SYN3: variants seen among roughly 807,000 people sequenced by gnomAD.
SYN3 encodes synapsin III, also known as synapsin-3.
In SYN3, 35 loss-of-function variants were observed where a neutral mutation model predicts 65.8. The ratio of observed to expected loss-of-function variants is 0.53; its 90% CI spans 0.41 to 0.70. The LOEUF is 0.70. Ranked by LOEUF, SYN3 falls within the 30% of genes least tolerant of loss-of-function variation. The pLI is 0.00. For missense variants in SYN3, 680 were observed against 749.0 expected, an observed-to-expected ratio of 0.91 and a Z score of 1.08; for synonymous variants, 270 against 292.9, an observed-to-expected ratio of 0.92 and a Z score of 0.80.
At chr22:33,019,064 C>G (rs1290812777) in intron 1 of SYN3, among the ~76,000 whole-genome samples, 1 of 152,206 alleles carries the variant, frequency 6.6e-6, no homozygotes, top group African/African-American at 2.4e-5. Flanking sequence ...GTCATTCAGT[C>G]AACTTTCCAC....
At chr22:32,989,616 C>T (rs1355373726) in intron 2 of SYN3, among the ~76,000 whole-genome samples, 1 of 151,978 alleles carries the variant, frequency 6.6e-6, no homozygotes, top group African/African-American at 2.4e-5. Flanking sequence ...GGGTGGATCA[C>T]CTGAGGTCAG....
intron 6 of SYN3, among the ~76,000 whole-genome samples, chr22:32,598,435 G>C (rs908603231): frequency 1.3e-5 from 2 of 152,218 alleles, no homozygotes; most frequent in African/African-American, 4.8e-5. Flanking sequence ...CTCCCAGCTT[G>C]AGTTGAACAG....
intron 1 of SYN3, among the ~76,000 whole-genome samples, chr22:33,011,005 A>G (rs1407607601): frequency 6.6e-6 from 1 of 152,152 alleles, no homozygotes; most frequent in Non-Finnish European, 1.5e-5. Flanking sequence ...GATACTTTCT[A>G]TTTAAATAAT....
chr22:32,757,340 C>G (rs1177291500), intron 6 of SYN3, among the ~76,000 whole-genome samples: 1 of 141,266 alleles, frequency 7.1e-6, no homozygotes, highest in Non-Finnish European at 1.5e-5. Flanking sequence ...TCTTCTTGCC[C>G]AGGCTGGAGT....
intron 1 of SYN3, among the ~76,000 whole-genome samples, chr22:33,044,204 G>A (rs915741112): frequency 1.3e-5 from 2 of 152,178 alleles, no homozygotes; most frequent in Non-Finnish European, 2.9e-5. Flanking sequence ...GAGCTTCAAC[G>A]CAGGCCCAAA....
chr22:32,698,093 G>A lies in SYN3; in HGVS notation c.712-101357C>T, dbSNP rs77740628. Among the ~76,000 whole-genome samples the A allele has an allele frequency of 2.0e-3, 297 of 152,278 alleles. 2 individuals carry two copies. The highest frequency in any genetic ancestry group is 6.9e-3 in the African/African-American group (287 of 41,550). ...GAGCAATAAACACTTATTGTTTGTT[G>A]TATGTAGAGGTTTGGGGGTTGTTGG... On this transcript the variant is annotated intron_variant, in intron 6 of 13. Coordinates refer to ENST00000358763, the MANE Select transcript of SYN3 (RefSeq NM_003490.4).
chr22:32,565,626 C>T (rs2058662132), intron 7 of SYN3, among the ~76,000 whole-genome samples: 1 of 150,974 alleles, frequency 6.6e-6, no homozygotes, highest in East Asian at 1.9e-4. Context: ...AAGCAATCCT[C>T]CTGCTACAGC....
chr22:32,744,761 C>T (rs535030497), intron 6 of SYN3, among the ~76,000 whole-genome samples: 3 of 152,258 alleles, frequency 2.0e-5, no homozygotes, highest in African/African-American at 7.2e-5. Flanking sequence ...ACACCACCAC[C>T]ACCACCACCA....
chr22:32,880,760 G>C (rs1164420958), intron 4 of SYN3, among the ~76,000 whole-genome samples: 1 of 152,198 alleles, frequency 6.6e-6, no homozygotes, highest in Non-Finnish European at 1.5e-5. Flanking sequence ...TAGTTAATAT[G>C]TTCCTAAGAA....
intron 6 of SYN3, among the ~76,000 whole-genome samples, chr22:32,828,751 C>G (rs940310499): frequency 9.9e-5 from 15 of 152,202 alleles, no homozygotes; most frequent in African/African-American, 3.1e-4. Flanking sequence ...AGACTGAGCT[C>G]TTTCCTTCCC....
intron 6 of SYN3, among the ~76,000 whole-genome samples, chr22:32,611,561 C>T (rs549580401): frequency 5.3e-5 from 8 of 151,960 alleles, no homozygotes; most frequent in South Asian, 2.1e-4. Flanking sequence ...CAAAGTGCTG[C>T]GATTACAGGC....
At chr22:32,618,554 C>T (rs2059551987) in intron 6 of SYN3, among the ~76,000 whole-genome samples, 1 of 152,162 alleles carries the variant, frequency 6.6e-6, no homozygotes. Context: ...TGAGCAAGGG[C>T]AATGTTCATT....
At chr22:32,880,344 G>T in intron 4 of SYN3, among the ~76,000 whole-genome samples, 1 of 152,204 alleles carries the variant, frequency 6.6e-6, no homozygotes, top group East Asian at 1.9e-4. Flanking sequence ...GGAAAACTGT[G>T]AGGGGTGACG....
rs560722728 is a variant in SYN3 at position 32,581,851 on chromosome 22, C to T, written c.774+14823G>A. On this transcript the variant is annotated intron_variant, in intron 7 of 13. Coordinates refer to ENST00000358763, the MANE Select transcript of SYN3 (RefSeq NM_003490.4). ...TCACTCTGTGGCCCAGGTTGGAGTG[C>T]GGTGGTGTGATGACAGCTCACTGCA... 3.2e-5 allele frequency among the ~76,000 whole-genome samples: 4 copies of T among 125,140 alleles called. No individual in the cohort carries two copies. In the East Asian group the frequency reaches 7.1e-4, roughly 22 times the overall value. 82.1% of individuals were successfully genotyped at this position (125,140 alleles called of 152,430 possible). A position where few individuals can be genotyped will look rare whatever the true frequency, so the allele number is the denominator to read the frequency against.
At chr22:32,887,381 A>G (rs2049321951) in intron 4 of SYN3, among the ~76,000 whole-genome samples, 1 of 152,012 alleles carries the variant, frequency 6.6e-6, no homozygotes, top group South Asian at 2.1e-4. Context: ...GTCTCAGAAA[A>G]GAAAAAAAAA....
At chr22:32,675,126 GAAA>G (rs2060422148) in intron 6 of SYN3, among the ~76,000 whole-genome samples, 1 of 152,200 alleles carries the variant, frequency 6.6e-6, no homozygotes, top group African/African-American at 2.4e-5. Flanking sequence ...AGGGTAGAGA[GAAA>G]ACTCTGCAAT....
intron 6 of SYN3, among the ~76,000 whole-genome samples, chr22:32,790,719 GC>G (rs1426512913): frequency 6.6e-6 from 1 of 152,086 alleles, no homozygotes; most frequent in Non-Finnish European, 1.5e-5. Context: ...GAGCTACTGT[GC>G]CCAGCCAAAA....
chr22:32,908,710 G>A lies in SYN3; in HGVS notation c.461+22680C>T, dbSNP rs58338477. Among the ~76,000 whole-genome samples the A allele has an allele frequency of 8.6e-3, 1,311 of 152,222 alleles. 29 individuals are homozygous for A. The highest frequency in any genetic ancestry group is 0.031 in the African/African-American group (1,272 of 41,534). On this transcript the variant is annotated intron_variant, in intron 4 of 13. Transcript: ENST00000358763. ...TGCCATAATGATAGAGTTAAGTAGC[G>A]GTGACAGGCCACGTGGGCTGCAAAG...
intron 6 of SYN3, among the ~76,000 whole-genome samples, chr22:32,802,387 G>C (rs540978264): frequency 6.6e-6 from 1 of 152,094 alleles, no homozygotes; most frequent in African/African-American, 2.4e-5. Context: ...GGTTCCTACC[G>C]GTCCTTTTGA....
Sources: gnomAD v4.1 joint callset for allele counts (sites outside exome capture counted in the v4.1 genomes callset) on GRCh38, gnomAD v4.1.1 for gene constraint, MANE v1.5 for transcripts, NCBI Gene and HGNC (gene_info 2026-07-23, HGNC 2026-07-21) for gene names.